The following OR2L13 variants were observed in gnomAD, a reference collection of about 807,000 sequenced individuals.
OR2L13 encodes olfactory receptor 2L13.
Under a neutral mutation model 15.3 loss-of-function variants are expected in OR2L13, and 14 were observed. The ratio of observed to expected loss-of-function variants is 0.91; its 90% confidence interval spans 0.60 to 1.43. The LOEUF (loss-of-function observed/expected upper bound fraction) is 1.43. Ranked by LOEUF, OR2L13 falls within the 40% of genes most tolerant of loss-of-function variation. The pLI is 0.00. For missense variants in OR2L13, 367 were observed against 387.9 expected (o/e 0.95, Z 0.45); for synonymous variants, 152 against 142.9 (o/e 1.06, Z -0.45).
the OR2L13 span, among the ~76,000 whole-genome samples, chr1:248,054,936 C>T: frequency 6.6e-6 from 1 of 152,132 alleles, no homozygotes; most frequent in Non-Finnish European, 1.5e-5. Context: ...TTCTTTATTT[C>T]CTTTGATTGA....
At chr1:248,002,883 T>G in the OR2L13 span, among the ~76,000 whole-genome samples, 1 of 151,718 alleles carries the variant, frequency 6.6e-6, no homozygotes, top group Admixed American at 6.6e-5. Context: ...TATGGTGGAT[T>G]CCCCCCTTTT....
the OR2L13 span, among the ~76,000 whole-genome samples, chr1:248,019,554 A>T: frequency 6.6e-6 from 1 of 152,164 alleles, no homozygotes; most frequent in African/African-American, 2.4e-5. Flanking sequence ...TATATGGTGT[A>T]AAGTAAGCAT....
At chr1:248,065,955 A>T in the OR2L13 span, among the ~76,000 whole-genome samples, 1 of 152,182 alleles carries the variant, frequency 6.6e-6, no homozygotes, top group African/African-American at 2.4e-5. Flanking sequence ...ATACTCTTCC[A>T]GTACCCTCTC....
At chr1:248,016,683 C>T in the OR2L13 span, among the ~76,000 whole-genome samples, 1 of 151,572 alleles carries the variant, frequency 6.6e-6, no homozygotes, top group Non-Finnish European at 1.5e-5. Context: ...TAAACTAGAC[C>T]ACACATTTTT....
chr1:247,988,118 A>G, the OR2L13 span, among the ~76,000 whole-genome samples: 1 of 152,050 alleles, frequency 6.6e-6, no homozygotes, highest in African/African-American at 2.4e-5. Context: ...TATGGTGGCT[A>G]ATATATTTCA....
At chr1:247,990,870 C>G in the OR2L13 span, 4 of 1,518,222 alleles carry the variant, frequency 2.6e-6, no homozygotes, top group Non-Finnish European at 3.7e-6. Flanking sequence ...TGTTTTTGAG[C>G]ACCACCATTT....
the OR2L13 span, chr1:247,965,613 C>CAT: frequency 1.9e-6 from 3 of 1,561,050 alleles, no homozygotes; most frequent in African/African-American, 4.1e-5. Context: ...CCACAGTGCC[C>CAT]AAGATGGCAG....
chr1:247,942,758 T>A, the OR2L13 span, among the ~76,000 whole-genome samples: 1 of 152,170 alleles, frequency 6.6e-6, no homozygotes, highest in Non-Finnish European at 1.5e-5. Flanking sequence ...TTAACCATTT[T>A]AAGTGTAGAG....
Position 248,098,660 on chromosome 1 carries a change from A to G in OR2L13, c.-134A>G, listed in dbSNP as rs145541769. On this transcript the variant is annotated 5_prime_UTR_variant, in exon 2 of 3. The change abolishes the stop of an existing upstream ORF in the 5' untranslated region. Transcript: ENST00000641714. Reference sequence around the variant, plus strand: ...ATTTGCTTTTGAACAGCAAAAGTTGAAAAATCAGTAACCCAAGATGACTAA... The same window carrying G: ...ATTTGCTTTTGAACAGCAAAAGTTGGAAAATCAGTAACCCAAGATGACTAA... The G allele has an allele frequency of 3.0e-4, 46 of 152,368 alleles. No homozygotes were observed. Among genetic ancestry groups the G allele is most frequent in the African/African-American group, 1.1e-3 (44 of 41,590 alleles). The allele number at this position is 152,368 out of a possible 1,614,324, so 9.4% of individuals were successfully genotyped here. A position where few individuals can be genotyped will look rare whatever the true frequency, so the allele number is the denominator to read the frequency against.
chr1:248,081,822 C>T, the OR2L13 span, among the ~76,000 whole-genome samples: 126 of 152,248 alleles, frequency 8.3e-4, 4 homozygotes, highest in East Asian at 0.016. Context: ...GGTTAAGGTA[C>T]TATCTTAAAT....
rs369036298 is a variant in OR2L13, at chr1:248,099,458, G to A, written c.83G>A (p.Cys28Tyr). 60 of 1,613,600 alleles carry A rather than the reference G, an allele frequency of 3.7e-5. No individual in the cohort carries two copies. Among genetic ancestry groups the A allele is most frequent in the Non-Finnish European group, 4.8e-5 (57 of 1,179,800 alleles). Residue 28 changes from cysteine (C) to tyrosine (Y), a missense_variant, in exon 3 of 3, where the codon TGC becomes TAC. By Grantham distance (194) the Cys-to-Tyr change is radical. Transcript: ENST00000641714. ...AATCAAACTGGAATATTTCTCTTGT[G>A]CCTTATCATCCTCATATTCTTTCTG...
chr1:248,063,076 G>C, the OR2L13 span: 2 of 152,040 alleles, frequency 1.3e-5, no homozygotes. Flanking sequence ...TTGACTATTT[G>C]GGTTCTTTAA....
chr1:247,949,292 A>C, the OR2L13 span: 1 of 1,614,154 alleles, frequency 6.2e-7, no homozygotes, highest in Non-Finnish European at 8.5e-7. Context: ...TGATGATAAC[A>C]GGGTCTTGGA....
chr1:248,024,845 C>A, the OR2L13 span, among the ~76,000 whole-genome samples: 14 of 152,072 alleles, frequency 9.2e-5, no homozygotes, highest in Non-Finnish European at 1.9e-4. Flanking sequence ...TAGTGTGATG[C>A]CCCCAGCTTT....
chr1:248,052,928 AT>A, the OR2L13 span, among the ~76,000 whole-genome samples: 6 of 151,110 alleles, frequency 4.0e-5, no homozygotes, highest in Admixed American at 3.9e-4. Flanking sequence ...TACACTTTTT[AT>A]TTTTATTTTT....
the OR2L13 span, among the ~76,000 whole-genome samples, chr1:247,957,064 T>C: frequency 6.6e-6 from 1 of 152,236 alleles, no homozygotes; most frequent in Non-Finnish European, 1.5e-5. Context: ...CCATTCAATA[T>C]GATATTGGCT....
the OR2L13 span, chr1:248,004,183 G>GAA: frequency 2.4e-6 from 2 of 819,318 alleles, no homozygotes; most frequent in Non-Finnish European, 3.5e-6. Context: ...ATCAACAGAA[G>GAA]AAAAAAAAAT....
At chr1:248,049,764 C>T in the OR2L13 span, among the ~76,000 whole-genome samples, 1 of 151,968 alleles carries the variant, frequency 6.6e-6, no homozygotes, top group African/African-American at 2.4e-5. Context: ...TTTGTTTTGA[C>T]TGATTAAAAA....
At chr1:248,052,004 T>C in the OR2L13 span, among the ~76,000 whole-genome samples, 1 of 152,198 alleles carries the variant, frequency 6.6e-6, no homozygotes, top group Non-Finnish European at 1.5e-5. Flanking sequence ...ATGATGACTT[T>C]ATGCAGATAT....
Sources: allele counts gnomAD v4.1 joint callset (sites outside exome capture counted in the v4.1 genomes callset), GRCh38; gene constraint gnomAD v4.1.1; transcripts MANE v1.5; gene names NCBI Gene and HGNC (gene_info 2026-07-23, HGNC 2026-07-21).